The following SRCAP variants were observed in gnomAD, a reference collection of about 807,000 sequenced individuals.
SRCAP encodes the protein Snf2 related CREBBP activator protein, also known as chromatin remodeling protein SRCAP.
A neutral mutation model predicts 263.1 loss-of-function variants in SRCAP; 46 were observed. The observed-to-expected ratio is 0.17, with a 90% confidence interval of 0.14 to 0.22. The LOEUF is 0.22. Ranked by LOEUF, SRCAP falls within the 10% of genes least tolerant of loss-of-function variation. The pLI is 1.00. For synonymous variants in SRCAP, 1,813 were observed against 1,662.1 expected, an observed-to-expected ratio of 1.09 and a Z score of -2.21; for missense variants, 3,695 against 4,181.9, an observed-to-expected ratio of 0.88 and a Z score of 3.21.
At position 30,716,459 on chromosome 16, in the gene SRCAP, A is replaced by G. The variant is rs1028255186; in HGVS notation, c.2797A>G (p.Thr933Ala). 17 of 1,613,364 alleles carry G rather than the reference A, an allele frequency of 1.1e-5. No individual in the cohort carries two copies. Among genetic ancestry groups the G allele is most frequent in the African/African-American group, 2.7e-5 (2 of 74,856 alleles). Residue 933 changes from threonine to alanine, a missense_variant, in exon 18 of 34, where the codon ACG (threonine) becomes GCG (alanine). Transcript: ENST00000262518. ...CACCGCCTCTCTGGTGCTAAGGGCCACGGATGTCCATCCCCTCCAGGTAAG... is the reference window on the plus strand; with the variant it reads ...CACCGCCTCTCTGGTGCTAAGGGCCGCGGATGTCCATCCCCTCCAGGTAAG... Reference protein sequence around the residue: ...FSTASLVLRATDVHPLQRIDM... With the variant: ...FSTASLVLRAADVHPLQRIDM...
chr16:30,709,447 C>T, intron 6 of SRCAP, 66 bp from the exon 7 acceptor site: 1 of 1,567,578 alleles, frequency 6.4e-7, no homozygotes, highest in Non-Finnish European at 8.8e-7. Context: ...TCTCCCTAAA[C>T]ATCGGGTAAA....
chr16:30,718,472 T>G (rs1398105344), intron 18 of SRCAP, among the ~76,000 whole-genome samples: 2 of 149,886 alleles, frequency 1.3e-5, no homozygotes, highest in Admixed American at 1.3e-4. Context: ...CCACTGTGCC[T>G]GGCTTTTTTT....
chr16:30,722,255 G>C lies in SRCAP; in HGVS notation c.3675G>C (p.Gln1225His). The C allele has an allele frequency of 1.2e-6, 2 of 1,614,154 alleles. No homozygotes were observed. The highest frequency in any genetic ancestry group is 2.2e-5 in the South Asian group (2 of 91,084). The change falls in exon 22 of 34, where the codon CAG becomes CAC. Residue 1225 changes from glutamine (Q) to histidine (H), a missense_variant. Coordinates refer to ENST00000262518, the MANE Select transcript of SRCAP (RefSeq NM_006662.3). ...CTTTGACTGGTGCCCAGGTGCGCCA[G>C]CTTGCTGTGGGGCAGCCCCGCCCGC... is the stretch of plus-strand genomic sequence containing the variant. ...KLTLTGAQVRQLAVGQPRPLQ... is the reference protein window; with the variant it reads ...KLTLTGAQVRHLAVGQPRPLQ...
At position 30,712,322 on chromosome 16, in the gene SRCAP, C is replaced by T. The variant is rs2052900845; in HGVS notation, c.1876C>T (p.Leu626=). The change falls in exon 13 of 34, where the codon CTA becomes TTA. Residue 626 remains leucine, a synonymous_variant. Transcript: ENST00000262518. ...GCTCCGGGAGTACCAGCACATTGGG[C>T]TAGACTGGCTGGTTACCATGTATGA... ...GQLREYQHIG[L]DWLVTMYEKK... is the part of the protein sequence containing the mutation. 3.1e-6 allele frequency: 5 copies of T among 1,612,830 alleles called. No individual in the cohort carries two copies. The highest frequency in any genetic ancestry group is 4.2e-6 in the Non-Finnish European group (5 of 1,179,472).
At chr16:30,712,180 C>T (rs2052899101) in intron 12 of SRCAP, 23 bp downstream of exon 12, 8 of 1,607,572 alleles carry the variant, frequency 5.0e-6, no homozygotes, top group Non-Finnish European at 5.1e-6. Context: ...TCTGGCCTCT[C>T]CTTTCTCATG....
At chr16:30,729,635 G>A (rs2053094841) in intron 27 of SRCAP, 63 bp downstream of exon 27, 1 of 1,572,358 alleles carries the variant, frequency 6.4e-7, no homozygotes, top group Non-Finnish European at 8.7e-7. Context: ...TAAGACTGTT[G>A]TATCAGAGGG....
rs2059796871 is a variant in SRCAP, at chr16:30,712,451, A to T, written c.1993+12A>T. ...GGCTTGTGAGAAAGGTAAGTAGGCAAGGCCCCTTCTTTTGTTCCCCCTAGT... is the reference window on the plus strand; with the variant it reads ...GGCTTGTGAGAAAGGTAAGTAGGCATGGCCCCTTCTTTTGTTCCCCCTAGT... On this transcript the variant is annotated intron_variant, in intron 13 of 33. Transcript: ENST00000262518. 6.4e-7 allele frequency: 1 copy of T among 1,556,108 alleles called. No homozygotes were observed. Among genetic ancestry groups the T allele is most frequent in the South Asian group, 1.2e-5 (1 of 82,620 alleles).
intron 18 of SRCAP, among the ~76,000 whole-genome samples, 185 bp from the exon 19 acceptor site, chr16:30,719,977 A>G (rs959952873): frequency 1.3e-5 from 2 of 152,092 alleles, no homozygotes; most frequent in Non-Finnish European, 1.5e-5. Context: ...TCTGGCGTAT[A>G]TTGTTCTCAT....
Position 30,737,454 on chromosome 16 carries a change from A to T in SRCAP, c.7414A>T (p.Asn2472Tyr). 1 of 1,592,100 alleles carries T rather than the reference A, an allele frequency of 6.3e-7. No homozygotes were observed. The highest frequency in any genetic ancestry group is 8.6e-7 in the Non-Finnish European group (1 of 1,166,534). The part of the protein sequence containing the change: ...VSAPVPISAP[N>Y]PITILPVHIL... ...TGCCCCAGTACCCATTTCAGCCCCA[A>T]ATCCAATAACCATTCTCCCTGTCCA... Residue 2472 changes from asparagine to tyrosine, a missense_variant, in exon 34 of 34, where the codon AAT becomes TAT. Physicochemically the swap from Asn to Tyr is moderately radical, Grantham distance 143. Coordinates refer to ENST00000262518, the MANE Select transcript of SRCAP (RefSeq NM_006662.3).
chr16:30,722,919 T>C (rs764792790), intron 23 of SRCAP, 44 bp from the exon 24 acceptor site: 42 of 1,570,394 alleles, frequency 2.7e-5, no homozygotes, highest in Non-Finnish European at 3.6e-5. Context: ...TTTGGGTCTT[T>C]TGTTTCTTTT....
chr16:30,711,516 A>C, intron 10 of SRCAP, 55 bp from the exon 11 acceptor site: 1 of 1,522,752 alleles, frequency 6.6e-7, no homozygotes, highest in Non-Finnish European at 8.8e-7. Flanking sequence ...TACTACTCAG[A>C]CCTCCCCTTC....
At position 30,738,763 on chromosome 16, in the gene SRCAP, T is replaced by G. The variant is rs2053188129; in HGVS notation, c.8723T>G (p.Leu2908Arg). 2 of 1,613,890 alleles carry G rather than the reference T, an allele frequency of 1.2e-6. No homozygotes were observed. Among genetic ancestry groups the G allele is most frequent in the Non-Finnish European group, 1.7e-6 (2 of 1,179,972 alleles). Residue 2908 changes from leucine (L) to arginine (R), a missense_variant, in exon 34 of 34, where the codon CTG becomes CGG. Physicochemically the swap from Leu to Arg is moderately radical, Grantham distance 102. Around this residue, in one of 12 missense-constraint regions of SRCAP, gnomAD observed 1,207 missense variants for 1,142.9 expected, o/e 1.06. Transcript: ENST00000262518. Reference sequence around the variant, plus strand: ...ACCCTAATTGTTGCAGATCCTGTCCTGGAACCACAGCTTATTCCTGGGCCC... The same window carrying G: ...ACCCTAATTGTTGCAGATCCTGTCCGGGAACCACAGCTTATTCCTGGGCCC... ...PETLIVADPV[L>R]EPQLIPGPQP...
At chr16:30,714,519 T>TTTTTTTTTTTTTG (rs71149046) in intron 16 of SRCAP, among the ~76,000 whole-genome samples, 1 of 144,984 alleles carries the variant, frequency 6.9e-6, no homozygotes. Flanking sequence ...TTTTTTTTTT[T>TTTTTTTTTTTTTG]GAGACAGAGT....
chr16:30,726,291 T>A (rs2053063823), intron 25 of SRCAP: 1 of 152,216 alleles, frequency 6.6e-6, no homozygotes, highest in South Asian at 2.1e-4. Flanking sequence ...TACTTCTGCT[T>A]TATGGTTGTT....
chr16:30,732,180 G>A (rs1036297805), intron 27 of SRCAP, among the ~76,000 whole-genome samples: 2 of 151,622 alleles, frequency 1.3e-5, no homozygotes, highest in African/African-American at 4.8e-5. Context: ...GGCTGGGCAC[G>A]GTGGCTCACG....
chr16:30,702,210 C>G (rs1028202237), intron 3 of SRCAP, among the ~76,000 whole-genome samples: 10 of 151,458 alleles, frequency 6.6e-5, no homozygotes, highest in African/African-American at 2.2e-4. Context: ...TACTCAGCCT[C>G]TCAAAAGTGC....
In SRCAP at chr16:30,738,446, C is replaced by T. The variant is rs147473528; in HGVS notation, c.8406C>T (p.Ser2802=). 118 of 1,557,806 alleles carry T rather than the reference C, an allele frequency of 7.6e-5. 1 individual carries two copies. The African/African-American group carries it at 1.2e-3, about 16-fold the overall frequency. ...GCAGCATGTCAGGGCCAGAATCCTC[C>T]CCTCCCATTGGTGGGCCCTGTGAAG... ...SVRSMSGPES[S]PPIGGPCEAA... The change falls in exon 34 of 34, where the codon TCC becomes TCT. Residue 2802 remains serine, a synonymous_variant. Coordinates refer to ENST00000262518, the MANE Select transcript of SRCAP (RefSeq NM_006662.3).
Position 30,738,304 on chromosome 16 carries a change from T to A in SRCAP, c.8264T>A (p.Val2755Glu). 1 of 1,596,798 alleles carries A rather than the reference T, an allele frequency of 6.3e-7. No individual in the cohort carries two copies. Among genetic ancestry groups the A allele is most frequent in the Non-Finnish European group, 8.5e-7 (1 of 1,170,632 alleles). ...KVLRKLPGRL[V>E]TVVEEKELVR... is the part of the protein sequence containing the mutation. ...CTTCGAAAGCTGCCAGGACGGCTGG[T>A]AACTGTGGTAGAGGAAAAGGAACTG... Residue 2755 changes from valine (V) to glutamate (E), a missense_variant, in exon 34 of 34, where the codon GTA (valine) becomes GAA (glutamate). Val to Glu is a moderately radical substitution (Grantham distance 121). Around this residue, in one of 12 missense-constraint regions of SRCAP, gnomAD observed 1,207 missense variants for 1,142.9 expected, o/e 1.06. Coordinates refer to ENST00000262518, the MANE Select transcript of SRCAP (RefSeq NM_006662.3).
At position 30,713,549 on chromosome 16, in the gene SRCAP, C is replaced by A. The variant is rs182177636; in HGVS notation, c.2331C>A (p.Pro777=). 6 of 1,614,188 alleles carry A rather than the reference C, an allele frequency of 3.7e-6. No individual in the cohort carries two copies. The East Asian group carries it at 1.1e-4, about 30-fold the overall frequency. The change falls in exon 16 of 34, where the codon CCC becomes CCA. Residue 777 remains proline, a synonymous_variant. Coordinates refer to ENST00000262518, the MANE Select transcript of SRCAP (RefSeq NM_006662.3). ...GACGCCTGCTCCTGACAGGAACTCC[C>A]TTGCAGAACAGCCTCATGGAGCTGT... The part of the protein sequence containing the change: ...SQRRLLLTGT[P]LQNSLMELWS...
Sources: allele counts gnomAD v4.1 joint callset (sites outside exome capture counted in the v4.1 genomes callset), GRCh38; gene constraint gnomAD v4.1.1; regional missense constraint gnomAD v4.1.1; transcripts MANE v1.5; gene names NCBI Gene and HGNC (gene_info 2026-07-23, HGNC 2026-07-21).